Variants in HCN1 observed in about 807,000 individuals in gnomAD.
HCN1 encodes the protein hyperpolarization activated cyclic nucleotide gated potassium channel 1, also known as potassium/sodium hyperpolarization-activated cyclic nucleotide-gated channel 1.
A neutral mutation model predicts 78.9 loss-of-function variants in HCN1; 13 were observed. The ratio of observed to expected loss-of-function variants is 0.16; its 90% CI spans 0.11 to 0.26. HCN1 has a LOEUF of 0.26. Ranked by LOEUF, HCN1 falls within the 10% of genes least tolerant of loss-of-function variation. The pLI, the probability that HCN1 is intolerant of heterozygous loss-of-function variation, is 1.00. For synonymous variants in HCN1, 552 were observed against 455.5 expected (o/e 1.21, Z -2.70); for missense variants, 810 against 1,154.3 (o/e 0.70, Z 4.32).
At chr5:45,442,053 A>G (rs1210066884) in intron 3 of HCN1, among the ~76,000 whole-genome samples, 1 of 152,012 alleles carries the variant, frequency 6.6e-6, no homozygotes, top group Non-Finnish European at 1.5e-5. Context: ...TTATTTATGT[A>G]TTTTATCTAG....
At chr5:45,448,394 A>C (rs1740841349) in intron 3 of HCN1, among the ~76,000 whole-genome samples, 1 of 152,210 alleles carries the variant, frequency 6.6e-6, no homozygotes, top group African/African-American at 2.4e-5. Flanking sequence ...AAACAAGAAG[A>C]AAAGTATTCC....
intron 1 of HCN1, among the ~76,000 whole-genome samples, chr5:45,693,861 T>A (rs1427942699): frequency 6.6e-6 from 1 of 152,228 alleles, no homozygotes; most frequent in Non-Finnish European, 1.5e-5. Flanking sequence ...ATGTTAAAAG[T>A]TCAGCATTTT....
At chr5:45,482,992 C>T (rs1006647698) in intron 2 of HCN1, among the ~76,000 whole-genome samples, 1 of 152,150 alleles carries the variant, frequency 6.6e-6, no homozygotes, top group Non-Finnish European at 1.5e-5. Context: ...ACCACATTTT[C>T]CTTATTCAGT....
intron 3 of HCN1, among the ~76,000 whole-genome samples, chr5:45,453,836 A>T (rs7714845): frequency 0.97 from 147,336 of 152,262 alleles, 71,468 homozygotes; most frequent in East Asian, 1. Context: ...TAGAATAGCA[A>T]GGATATAACG....
At chr5:45,657,576 G>T (rs1745799472) in intron 1 of HCN1, among the ~76,000 whole-genome samples, 1 of 151,998 alleles carries the variant, frequency 6.6e-6, no homozygotes. Context: ...TGCACATTTT[G>T]GCTCACTTTT....
At chr5:45,315,031 C>A (rs1745950078) in intron 5 of HCN1, among the ~76,000 whole-genome samples, 1 of 152,100 alleles carries the variant, frequency 6.6e-6, no homozygotes, top group Non-Finnish European at 1.5e-5. Context: ...CCATGATATC[C>A]AGGAATTGAA....
intron 2 of HCN1, among the ~76,000 whole-genome samples, chr5:45,565,999 G>A (rs985357350): frequency 6.6e-6 from 1 of 152,096 alleles, no homozygotes; most frequent in Admixed American, 6.6e-5. Context: ...ATAATGATTT[G>A]TGTATAAACA....
intron 3 of HCN1, among the ~76,000 whole-genome samples, chr5:45,424,039 G>A (rs1007432757): frequency 6.6e-6 from 1 of 150,558 alleles, no homozygotes; most frequent in Non-Finnish European, 1.5e-5. Context: ...ACTTTGGGAG[G>A]CCGAGGAGGG....
chr5:45,480,171 C>T (rs963738451), intron 2 of HCN1: 11 of 152,662 alleles, frequency 7.2e-5, no homozygotes, highest in African/African-American at 2.4e-4. Flanking sequence ...TGAAAGTCCA[C>T]ATCACCAAAT....
At chr5:45,431,865 C>T (rs1196465814) in intron 3 of HCN1, among the ~76,000 whole-genome samples, 3 of 152,102 alleles carry the variant, frequency 2.0e-5, no homozygotes, top group African/African-American at 7.2e-5. Context: ...GGTCGGATAA[C>T]ATGATGCCTC....
At chr5:45,342,926 G>T (rs1208490570) in intron 5 of HCN1, among the ~76,000 whole-genome samples, 1 of 152,150 alleles carries the variant, frequency 6.6e-6, no homozygotes, top group Admixed American at 6.5e-5. Context: ...AATAACATGG[G>T]TAGAATGGAT....
chr5:45,649,206 G>A (rs993766317), intron 1 of HCN1, among the ~76,000 whole-genome samples: 6 of 151,898 alleles, frequency 4.0e-5, no homozygotes, highest in African/African-American at 2.4e-5. Flanking sequence ...CTGGCAATGA[G>A]TTTCTTAGTT....
intron 2 of HCN1, among the ~76,000 whole-genome samples, chr5:45,549,975 G>T (rs866884753): frequency 6.6e-6 from 1 of 152,158 alleles, no homozygotes; most frequent in African/African-American, 2.4e-5. Context: ...TTAGAATGGC[G>T]ATCATTAAAA....
chr5:45,413,089 G>T (rs80116065), intron 3 of HCN1, among the ~76,000 whole-genome samples: 1,842 of 152,040 alleles, frequency 0.012, 27 homozygotes, highest in Non-Finnish European at 0.015. Flanking sequence ...TAGATTAGTG[G>T]TAAGTCACCT....
chr5:45,560,826 T>C (rs1471754133), intron 2 of HCN1, among the ~76,000 whole-genome samples: 2 of 152,216 alleles, frequency 1.3e-5, no homozygotes, highest in Middle Eastern at 6.8e-3. Flanking sequence ...TTTCATATTT[T>C]CTTTAAAGAT....
In HCN1 at chr5:45,371,901, A is replaced by T. The variant is rs1482185730; in HGVS notation, c.1231-18655T>A. 6.1e-5 allele frequency among the ~76,000 whole-genome samples: 7 copies of T among 114,404 alleles called. No individual in the cohort carries two copies. In the South Asian group the frequency reaches 7.1e-4, roughly 12 times the overall value. The allele number at this position is 114,404 out of a possible 152,430, so 75.1% of individuals were successfully genotyped here. A position where few individuals can be genotyped will look rare whatever the true frequency, so the allele number is the denominator to read the frequency against. ...ATATGAAATAAATATAATATACATTATATTATAAAAAATATATAATATACA... is the reference window on the plus strand; with the variant it reads ...ATATGAAATAAATATAATATACATTTTATTATAAAAAATATATAATATACA... On this transcript the variant is annotated intron_variant, in intron 4 of 7. Transcript: ENST00000303230.
chr5:45,634,224 A>C (rs1414158433), intron 2 of HCN1, among the ~76,000 whole-genome samples: 1 of 151,952 alleles, frequency 6.6e-6, no homozygotes, highest in Non-Finnish European at 1.5e-5. Context: ...TGACACTCAC[A>C]TTCATACACC....
chr5:45,345,685 G>A (rs1205523269), intron 5 of HCN1, among the ~76,000 whole-genome samples: 1 of 152,132 alleles, frequency 6.6e-6, no homozygotes, highest in Non-Finnish European at 1.5e-5. Flanking sequence ...ATCTCAGCCT[G>A]GGCTTTATTG....
chr5:45,443,491 A>G lies in HCN1; in HGVS notation c.1011+18355T>C, dbSNP rs773838915. ...ACAGGTTTTCCTAAGTCCCCTAAGTAAATGTAATTTTACAATTAAAAGATT... is the reference window on the plus strand; with the variant it reads ...ACAGGTTTTCCTAAGTCCCCTAAGTGAATGTAATTTTACAATTAAAAGATT... On this transcript the variant is annotated intron_variant, in intron 3 of 7. Transcript: ENST00000303230. Among the ~76,000 whole-genome samples the G allele has an allele frequency of 2.0e-5, 3 of 152,102 alleles. No individual in the cohort carries two copies. The South Asian group carries it at 6.2e-4, about 32-fold the overall frequency.
Sources: allele counts gnomAD v4.1 joint callset (sites outside exome capture counted in the v4.1 genomes callset), GRCh38; gene constraint gnomAD v4.1.1; transcripts MANE v1.5; gene names NCBI Gene and HGNC (gene_info 2026-07-23, HGNC 2026-07-21).